Variants in SLC9D1 observed in about 807,000 individuals in gnomAD.
SLC9D1 encodes putative LAG1-interacting protein.
the SLC9D1 span, among the ~76,000 whole-genome samples, chr13:113,544,030 C>T: frequency 1.3e-5 from 2 of 152,254 alleles, no homozygotes; most frequent in African/African-American, 2.4e-5. Flanking sequence ...CCGCTTCAGA[C>T]GGCACCTTTG....
At chr13:113,494,907 G>T in the SLC9D1 span, among the ~76,000 whole-genome samples, 1 of 151,812 alleles carries the variant, frequency 6.6e-6, no homozygotes, top group Non-Finnish European at 1.5e-5. Flanking sequence ...TTTTGAGACA[G>T]AGTTTTGCTG....
chr13:113,538,972 C>T, the SLC9D1 span, among the ~76,000 whole-genome samples: 1 of 152,242 alleles, frequency 6.6e-6, no homozygotes, highest in Non-Finnish European at 1.5e-5. Context: ...CGCTTTCTCT[C>T]TGCTTTGAGG....
chr13:113,499,264 C>A, the SLC9D1 span, among the ~76,000 whole-genome samples: 1 of 152,148 alleles, frequency 6.6e-6, no homozygotes, highest in Non-Finnish European at 1.5e-5. Flanking sequence ...TGGGTTTTGG[C>A]TGGCTTCTCT....
the SLC9D1 span, chr13:113,528,588 G>A: frequency 1.3e-5 from 2 of 152,244 alleles, no homozygotes; most frequent in African/African-American, 4.8e-5. Flanking sequence ...GGGAGGACGT[G>A]GGAACAGTGC....
At chr13:113,513,888 G>A in the SLC9D1 span, among the ~76,000 whole-genome samples, 8 of 152,102 alleles carry the variant, frequency 5.3e-5, no homozygotes, top group East Asian at 3.8e-4. Context: ...GGAGTCCCCC[G>A]CCAGCTCTCA....
chr13:113,507,301 C>A, the SLC9D1 span, among the ~76,000 whole-genome samples: 1 of 152,122 alleles, frequency 6.6e-6, no homozygotes, highest in South Asian at 2.1e-4. Context: ...ACCCAGAAAA[C>A]GACATTATTA....
the SLC9D1 span, chr13:113,496,127 C>G: frequency 2.3e-6 from 2 of 852,148 alleles, no homozygotes; most frequent in East Asian, 2.7e-5. Context: ...ACAGCCCACA[C>G]GGAGCTGGGG....
the SLC9D1 span, chr13:113,498,642 A>G: frequency 8.0e-6 from 6 of 749,234 alleles, no homozygotes; most frequent in African/African-American, 9.4e-5. Context: ...ACAAACTAAA[A>G]TGCTTCTCTG....
chr13:113,500,028 C>G, the SLC9D1 span: 1 of 1,592,688 alleles, frequency 6.3e-7, no homozygotes, highest in Admixed American at 1.7e-5. Context: ...CAAAATATAA[C>G]AAAACGAGAA....
At chr13:113,503,771 G>A in the SLC9D1 span, 10 of 569,950 alleles carry the variant, frequency 1.8e-5, no homozygotes, top group Non-Finnish European at 2.8e-5. Context: ...AGGTTTGAAA[G>A]CGTAGAAATT....
the SLC9D1 span, among the ~76,000 whole-genome samples, chr13:113,506,547 G>A: frequency 2.2e-5 from 3 of 135,152 alleles, no homozygotes; most frequent in Admixed American, 7.6e-5. Flanking sequence ...CAGCATGGGC[G>A]TGTGTGTGTG....
At chr13:113,508,346 A>G in the SLC9D1 span, among the ~76,000 whole-genome samples, 2 of 152,234 alleles carry the variant, frequency 1.3e-5, no homozygotes, top group African/African-American at 4.8e-5. Flanking sequence ...GAGCTGGCTA[A>G]CACTGCTTGC....
chr13:113,510,922 G>A, the SLC9D1 span, among the ~76,000 whole-genome samples: 17 of 152,224 alleles, frequency 1.1e-4, no homozygotes, highest in African/African-American at 4.1e-4. Flanking sequence ...AGTCGTGACT[G>A]TTTAGTGGAA....
the SLC9D1 span, among the ~76,000 whole-genome samples, chr13:113,517,442 A>G: frequency 5.9e-5 from 9 of 152,174 alleles, no homozygotes; most frequent in East Asian, 3.9e-4. Context: ...GTTAGCCAGG[A>G]TGGTCTCGAT....
At chr13:113,520,515 A>T in the SLC9D1 span, 1 of 816,866 alleles carries the variant, frequency 1.2e-6, no homozygotes, top group Non-Finnish European at 1.9e-6. Flanking sequence ...AAAGTGCCAA[A>T]ATAATTTGAG....
the SLC9D1 span, chr13:113,495,805 T>G: frequency 1.7e-5 from 27 of 1,614,020 alleles, no homozygotes; most frequent in Non-Finnish European, 2.2e-5. Flanking sequence ...AAAACTGCAA[T>G]TGGAGCAGTG....
the SLC9D1 span, among the ~76,000 whole-genome samples, chr13:113,497,652 G>A: frequency 6.6e-6 from 1 of 151,112 alleles, no homozygotes; most frequent in Non-Finnish European, 1.5e-5. Context: ...CTGTGTGAGA[G>A]ACCTGCAGCT....
At chr13:113,495,568 T>G in the SLC9D1 span, 1,014 of 1,525,562 alleles carry the variant, frequency 6.6e-4, no homozygotes, top group Non-Finnish European at 8.4e-4. Context: ...TGCCCTGCCC[T>G]CCGGACCTGG....
the SLC9D1 span, chr13:113,549,607 T>C: frequency 6.2e-7 from 1 of 1,604,838 alleles, no homozygotes; most frequent in South Asian, 1.1e-5. Flanking sequence ...GGCCAGCAGC[T>C]GCTCCTTCTG....
Sources: allele counts gnomAD v4.1 joint callset (sites outside exome capture counted in the v4.1 genomes callset), GRCh38; gene constraint gnomAD v4.1.1; transcripts MANE v1.5; gene names NCBI Gene and HGNC (gene_info 2026-07-23, HGNC 2026-07-21).